GRAMD1B: variants seen among roughly 807,000 people sequenced by gnomAD.
GRAMD1B encodes the protein protein Aster-B.
Under a neutral mutation model 99.7 loss-of-function variants are expected in GRAMD1B, and 37 were observed. The observed-to-expected ratio is 0.37, with a 90% CI of 0.29 to 0.49. The LOEUF (loss-of-function observed/expected upper bound fraction) is 0.49. GRAMD1B is among the 20% of genes least tolerant of loss of function. GRAMD1B has a pLI of 0.98. For synonymous variants in GRAMD1B, 427 were observed against 387.6 expected, an observed-to-expected ratio of 1.10 and a Z score of -1.19; for missense variants, 888 against 1,009.2, an observed-to-expected ratio of 0.88 and a Z score of 1.63.
intron 10 of GRAMD1B, among the ~76,000 whole-genome samples, chr11:123,606,403 C>G (rs951356115): frequency 6.6e-6 from 1 of 152,180 alleles, no homozygotes; most frequent in African/African-American, 2.4e-5. Flanking sequence ...GAATGGCGAG[C>G]GTGAGAAGTG....
chr11:123,417,387 A>C (rs1948267453), intron 1 of GRAMD1B, among the ~76,000 whole-genome samples: 1 of 152,192 alleles, frequency 6.6e-6, no homozygotes, highest in Non-Finnish European at 1.5e-5. Context: ...AAAAAAGAAA[A>C]AAAGAATGTG....
chr11:123,437,000 G>A (rs547053265), intron 1 of GRAMD1B, among the ~76,000 whole-genome samples: 10 of 152,188 alleles, frequency 6.6e-5, no homozygotes, highest in South Asian at 2.1e-4. Flanking sequence ...GAGAACATGC[G>A]GTGTTTGGTT....
rs58113764 is a variant in GRAMD1B at position 123,492,865 on chromosome 11, T to TACACACAC, written c.452+11995_452+12002dup. ...TCTCTCTGTCTCTCTCTTTCACACA[T>TACACACAC]ACACACACACACACACACACACACA... On this transcript the variant is annotated intron_variant, in intron 2 of 19. Coordinates refer to ENST00000635736, the MANE Select transcript of GRAMD1B (RefSeq NM_001387025.1). The surrounding 1 kb of genome is among the most constrained non-coding windows in gnomAD (Gnocchi z 4.2). Among the ~76,000 whole-genome samples the TACACACAC allele has an allele frequency of 4.6e-3, 676 of 148,024 alleles. 8 individuals carry two copies. Among genetic ancestry groups the TACACACAC allele is most frequent in the Middle Eastern group, 0.014 (4 of 292 alleles).
intron 7 of GRAMD1B, chr11:123,599,319 G>A (rs1951665303): frequency 1.4e-6 from 1 of 707,702 alleles, no homozygotes; most frequent in Middle Eastern, 2.5e-4. Context: ...ATCTTGCGTG[G>A]CCCGAGTGCA....
At chr11:123,503,459 A>G (rs1940103686) in intron 2 of GRAMD1B, among the ~76,000 whole-genome samples, 1 of 152,144 alleles carries the variant, frequency 6.6e-6, no homozygotes, top group Non-Finnish European at 1.5e-5. Flanking sequence ...CCATACCCCT[A>G]AGATAGTAAT....
chr11:123,594,781 C>G lies in GRAMD1B; in HGVS notation c.816C>G (p.Leu272=). The change falls in exon 6 of 20, where the codon CTC becomes CTG. Residue 272 remains leucine (L), a synonymous_variant. Coordinates refer to ENST00000635736, the MANE Select transcript of GRAMD1B (RefSeq NM_001387025.1). ...LQRDILLQGR[L]YLSENWICFY... is the part of the protein sequence containing the mutation. ...GAGACATTCTCCTTCAGGGCCGACT[C>G]TACCTCTCTGAAAATTGGATCTGCT... 1 of 1,608,894 alleles carries G rather than the reference C, an allele frequency of 6.2e-7. No homozygotes were observed. The highest frequency in any genetic ancestry group is 8.5e-7 in the Non-Finnish European group (1 of 1,175,256).
chr11:123,390,605 T>C (rs572048345), intron 1 of GRAMD1B, among the ~76,000 whole-genome samples: 1 of 152,398 alleles, frequency 6.6e-6, no homozygotes, highest in African/African-American at 2.4e-5. Flanking sequence ...AATTTTATAA[T>C]GGCTTTGAGT....
intron 1 of GRAMD1B, chr11:123,435,558 A>G: frequency 1.5e-6 from 1 of 665,442 alleles, no homozygotes; most frequent in East Asian, 2.7e-5. Context: ...ATGGCTTACT[A>G]ACTTTCCAGT....
chr11:123,593,106 C>T lies in GRAMD1B; in HGVS notation c.685-976C>T, dbSNP rs548645346. ...AATTAGCCGGGAGAGGTGGCACATACCTGTAGTCCCAGCTACTCGGGAGGC... is the reference window on the plus strand; with the variant it reads ...AATTAGCCGGGAGAGGTGGCACATATCTGTAGTCCCAGCTACTCGGGAGGC... On this transcript the variant is annotated intron_variant, in intron 4 of 19. Transcript: ENST00000635736. Among the ~76,000 whole-genome samples the T allele has an allele frequency of 4.1e-4, 62 of 152,096 alleles. No homozygotes were observed. In the South Asian group the frequency reaches 0.012, roughly 30 times the overall value.
chr11:123,417,337 C>T (rs1443258196), intron 1 of GRAMD1B, among the ~76,000 whole-genome samples: 1 of 152,180 alleles, frequency 6.6e-6, no homozygotes, highest in Non-Finnish European at 1.5e-5. Context: ...CGCGCCATTG[C>T]ACTCTAGCCT....
In GRAMD1B at chr11:123,594,754, A is replaced by G; in HGVS notation, c.789A>G (p.Gln263=). The G allele has an allele frequency of 6.3e-7, 1 of 1,593,386 alleles. No individual in the cohort carries two copies. The highest frequency in any genetic ancestry group is 8.6e-7 in the Non-Finnish European group (1 of 1,161,216). Residue 263 remains glutamine (Q), a synonymous_variant, in exon 6 of 20, where the codon CAA becomes CAG. Transcript: ENST00000635736. The part of the protein sequence containing the change: ...RLIVDYSCAL[Q]RDILLQGRLY... ...CCACAGATTACTCATGTGCACTCCA[A>G]AGAGACATTCTCCTTCAGGGCCGAC...
chr11:123,616,833 T>C (rs1427882063), intron 17 of GRAMD1B, among the ~76,000 whole-genome samples: 1 of 152,180 alleles, frequency 6.6e-6, no homozygotes, highest in Non-Finnish European at 1.5e-5. Flanking sequence ...TAAACCCAAA[T>C]GCAGGCACCA....
intron 2 of GRAMD1B, among the ~76,000 whole-genome samples, chr11:123,569,995 C>G (rs529868518): frequency 6.6e-6 from 1 of 152,322 alleles, no homozygotes; most frequent in South Asian, 2.1e-4. Flanking sequence ...ATTCCTATGA[C>G]AAGCTCAAAT....
At chr11:123,387,309 C>A (rs1180944150) in intron 1 of GRAMD1B, among the ~76,000 whole-genome samples, 1 of 152,120 alleles carries the variant, frequency 6.6e-6, no homozygotes, top group Non-Finnish European at 1.5e-5. Flanking sequence ...CTCCTGGAGT[C>A]ACGGCTCGCA....
intron 1 of GRAMD1B, among the ~76,000 whole-genome samples, chr11:123,399,603 C>CTTTT (rs1237763120): frequency 7.6e-6 from 1 of 130,806 alleles, no homozygotes; most frequent in Admixed American, 7.8e-5. Flanking sequence ...CAACACTTAC[C>CTTTT]TTTTGTATTT....
intron 1 of GRAMD1B, among the ~76,000 whole-genome samples, chr11:123,403,639 G>T (rs1392202053): frequency 6.6e-6 from 1 of 151,536 alleles, no homozygotes; most frequent in African/African-American, 2.4e-5. Context: ...TGCCTCCCGG[G>T]TTCAAGCAGT....
At chr11:123,396,931 A>G (rs1296117860) in intron 1 of GRAMD1B, among the ~76,000 whole-genome samples, 2 of 152,210 alleles carry the variant, frequency 1.3e-5, no homozygotes, top group African/African-American at 4.8e-5. Flanking sequence ...TATTCATACC[A>G]ATCCAGCAAG....
intron 1 of GRAMD1B, among the ~76,000 whole-genome samples, chr11:123,412,910 T>C (rs1381079587): frequency 1.3e-5 from 2 of 152,090 alleles, no homozygotes; most frequent in Admixed American, 1.3e-4. Flanking sequence ...GCCTCCCGAG[T>C]AGCTGGGAAT....
chr11:123,495,450 A>G (rs1939132937), intron 2 of GRAMD1B, among the ~76,000 whole-genome samples: 1 of 152,148 alleles, frequency 6.6e-6, no homozygotes, highest in African/African-American at 2.4e-5. Flanking sequence ...TTATTTTAAA[A>G]TGTACAATGA....
Sources: gnomAD v4.1 joint callset for allele counts (sites outside exome capture counted in the v4.1 genomes callset) on GRCh38, gnomAD v4.1.1 for gene constraint, Gnocchi (gnomAD v3.1) non-coding constraint, MANE v1.5 for transcripts, NCBI Gene and HGNC (gene_info 2026-07-23, HGNC 2026-07-21) for gene names.